Variants in DNAAF1 observed in about 807,000 individuals in gnomAD.
DNAAF1 encodes the protein dynein axonemal assembly factor 1, also known as dynein assembly factor 1, axonemal.
In DNAAF1, 65 loss-of-function variants were observed where a neutral mutation model predicts 71.1. The observed-to-expected ratio is 0.91, with a 90% CI of 0.75 to 1.12. DNAAF1 has a LOEUF of 1.12. Among genes scored for constraint, DNAAF1 ranks in the 50% most tolerant of loss-of-function variants. The pLI, the probability that DNAAF1 is intolerant of heterozygous loss-of-function variation, is 0.00. For synonymous variants in DNAAF1, 414 were observed against 354.6 expected (o/e 1.17, Z -1.88); for missense variants, 1,178 against 899.8 (o/e 1.31, Z -3.96).
rs1029448507 is a variant in DNAAF1, at chr16:84,169,990, G to A, written c.1162G>A (p.Glu388Lys). The A allele has an allele frequency of 3.1e-6, 5 of 1,613,970 alleles. No individual in the cohort carries two copies. Among genetic ancestry groups the A allele is most frequent in the South Asian group, 2.2e-5 (2 of 91,076 alleles). Residue 388 changes from glutamate (E) to lysine (K), a missense_variant, in exon 8 of 12, where the codon GAG becomes AAG. By Grantham distance (56) the Glu-to-Lys change is moderately conservative (BLOSUM62 1). Transcript: ENST00000378553. ...TAAGGAAAGCTTTGAGGCCAAGGAC[G>A]AGCTCTGCCCGGAAAAGCCAAGTGG... is the stretch of plus-strand genomic sequence containing the variant. ...FVKESFEAKD[E>K]LCPEKPSGEE... is the part of the protein sequence containing the mutation.
chr16:84,152,590 G>T (rs1395467850), intron 3 of DNAAF1, among the ~76,000 whole-genome samples: 1 of 149,122 alleles, frequency 6.7e-6, no homozygotes, highest in Non-Finnish European at 1.5e-5. Flanking sequence ...GCTGTTTGCA[G>T]TGAGCCAAGA....
At chr16:84,150,430 G>A (rs1292848735) in intron 3 of DNAAF1, 88 bp downstream of exon 3, 1 of 997,654 alleles carries the variant, frequency 1.0e-6, no homozygotes, top group Non-Finnish European at 1.6e-6. Context: ...ATCACCTTTA[G>A]TTCTCAGAAT....
At chr16:84,172,076 A>G (rs2088383705) in intron 8 of DNAAF1, among the ~76,000 whole-genome samples, 184 bp from the exon 9 acceptor site, 1 of 151,862 alleles carries the variant, frequency 6.6e-6, no homozygotes, top group Admixed American at 6.6e-5. Flanking sequence ...CGGGGGTTTC[A>G]CTGTGTTGGC....
chr16:84,164,826 C>A (rs8056643), intron 6 of DNAAF1, among the ~76,000 whole-genome samples: 1 of 151,974 alleles, frequency 6.6e-6, no homozygotes, highest in East Asian at 1.9e-4. Flanking sequence ...TTTTTAGTCC[C>A]GTAAGAATCC....
chr16:84,150,896 G>T (rs534644223), intron 3 of DNAAF1, among the ~76,000 whole-genome samples: 1 of 152,142 alleles, frequency 6.6e-6, no homozygotes, highest in African/African-American at 2.4e-5. Context: ...TTACAAGTGT[G>T]AGCCACTGCA....
intron 5 of DNAAF1, among the ~76,000 whole-genome samples, chr16:84,158,196 C>T (rs949537508): frequency 1.6e-4 from 24 of 152,136 alleles, no homozygotes; most frequent in African/African-American, 4.8e-4. Context: ...CAGGCAGAGT[C>T]TGGCTCTGTC....
At chr16:84,158,240 T>C (rs2087536517) in intron 5 of DNAAF1, among the ~76,000 whole-genome samples, 1 of 151,996 alleles carries the variant, frequency 6.6e-6, no homozygotes, top group Non-Finnish European at 1.5e-5. Context: ...AAGAAACTTA[T>C]TTTCTCATGA....
intron 7 of DNAAF1, among the ~76,000 whole-genome samples, chr16:84,166,397 G>A (rs1199249191): frequency 7.2e-6 from 1 of 139,246 alleles, no homozygotes; most frequent in Non-Finnish European, 1.5e-5. Flanking sequence ...TTTTGGTTGG[G>A]ACAGGATCTT....
chr16:84,153,347 C>T (rs1374483868), intron 3 of DNAAF1, among the ~76,000 whole-genome samples: 3 of 152,132 alleles, frequency 2.0e-5, no homozygotes, highest in Non-Finnish European at 2.9e-5. Context: ...CACACATTTA[C>T]CTATGCCACA....
chr16:84,159,710 A>C lies in DNAAF1; in HGVS notation c.777A>C (p.Arg259Ser). ...ATTTGATGGGAAACCCGGTTATCAG[A>C]CAGATTCCTAATTACAGAAGGACAG... Reference protein sequence around the residue: ...VLNLMGNPVIRQIPNYRRTVT... With the variant: ...VLNLMGNPVISQIPNYRRTVT... Residue 259 changes from arginine to serine, a missense_variant, in exon 6 of 12, where the codon AGA becomes AGC. By Grantham distance (110) the Arg-to-Ser change is moderately radical. Coordinates refer to ENST00000378553, the MANE Select transcript of DNAAF1 (RefSeq NM_178452.6). 1.2e-6 allele frequency: 2 copies of C among 1,614,066 alleles called. No homozygotes were observed. The highest frequency in any genetic ancestry group is 1.7e-6 in the Non-Finnish European group (2 of 1,179,952).
At position 84,160,892 on chromosome 16, in the gene DNAAF1, G is replaced by A. The variant is rs543846418; in HGVS notation, c.863+1096G>A. On this transcript the variant is annotated intron_variant, in intron 6 of 11. Transcript: ENST00000378553. ...GCAGAGCTTGCAGTGAGCTGAGATC[G>A]CGCCACTGCACTCCAGCCTGGGCAA... is the stretch of plus-strand genomic sequence containing the variant. Among the ~76,000 whole-genome samples, 11 of 150,962 alleles carry A rather than the reference G, an allele frequency of 7.3e-5. No homozygotes were observed. The East Asian group carries it at 9.8e-4, about 13-fold the overall frequency.
chr16:84,165,148 C>T (rs1361843347), intron 6 of DNAAF1, among the ~76,000 whole-genome samples: 1 of 152,124 alleles, frequency 6.6e-6, no homozygotes, highest in East Asian at 1.9e-4. Flanking sequence ...TGTTTTGGAT[C>T]CAAGCCCTTT....
chr16:84,160,738 C>T (rs190201931), intron 6 of DNAAF1, among the ~76,000 whole-genome samples: 125 of 151,902 alleles, frequency 8.2e-4, no homozygotes, highest in South Asian at 2.5e-3. Context: ...ATCGAGACCA[C>T]CCTGGCTAAC....
intron 1 of DNAAF1, among the ~76,000 whole-genome samples, chr16:84,147,020 C>G (rs1007325262): frequency 6.6e-6 from 1 of 152,162 alleles, no homozygotes; most frequent in Non-Finnish European, 1.5e-5. Flanking sequence ...ACACTGGGTT[C>G]AAGTTGAGGC....
At chr16:84,175,517 C>A in intron 10 of DNAAF1, 1 of 244,418 alleles carries the variant, frequency 4.1e-6, no homozygotes, top group South Asian at 5.2e-5. Flanking sequence ...AAGGAGGCAT[C>A]AGCCATCATC....
At chr16:84,147,518 AT>A (rs747978596) in intron 1 of DNAAF1, among the ~76,000 whole-genome samples, 13 of 149,486 alleles carry the variant, frequency 8.7e-5, no homozygotes, top group African/African-American at 1.2e-4. Flanking sequence ...CCTTTTTATG[AT>A]TTTTTTTTTA....
chr16:84,175,842 T>C (rs939146609), intron 10 of DNAAF1, 91 bp from the exon 11 acceptor site: 15 of 1,471,578 alleles, frequency 1.0e-5, no homozygotes, highest in Admixed American at 3.4e-5. Flanking sequence ...CTTTGTGACA[T>C]TGGGTGAAAA....
chr16:84,171,737 G>A (rs1269464828), intron 8 of DNAAF1, among the ~76,000 whole-genome samples: 1 of 152,100 alleles, frequency 6.6e-6, no homozygotes, highest in African/African-American at 2.4e-5. Context: ...ACTCCTGGCC[G>A]GTGCTCTTCA....
rs1346606033 is a variant in DNAAF1 at position 84,145,551 on chromosome 16, G to T, written c.111G>T (p.Gly37=). Residue 37 remains glycine, a synonymous_variant, in exon 1 of 12, where the codon GGG becomes GGT. Coordinates refer to ENST00000378553, the MANE Select transcript of DNAAF1 (RefSeq NM_178452.6). ...SAGDHGSAGR[G]GCKEEINDPK... ...GTGACCACGGGAGCGCAGGCCGAGG[G>T]GGCTGCAAGGAAGGTGCCGACTGCC... The T allele has an allele frequency of 2.3e-5, 36 of 1,548,746 alleles. No homozygotes were observed. The highest frequency in any genetic ancestry group is 2.9e-5 in the Non-Finnish European group (33 of 1,147,044).
Sources: allele counts gnomAD v4.1 joint callset (sites outside exome capture counted in the v4.1 genomes callset), GRCh38; gene constraint gnomAD v4.1.1; transcripts MANE v1.5; gene names NCBI Gene and HGNC (gene_info 2026-07-23, HGNC 2026-07-21).